BTBD8: variants seen among roughly 807,000 people sequenced by gnomAD.
BTBD8 encodes the protein BTB domain containing 8, also known as BTB/POZ domain-containing protein 8.
In BTBD8, 110 loss-of-function variants were observed where a neutral mutation model predicts 162.9. The ratio of observed to expected loss-of-function variants is 0.68; its 90% confidence interval spans 0.58 to 0.79. BTBD8 has a LOEUF of 0.79. Among genes scored for constraint, BTBD8 ranks in the 30% least tolerant of loss-of-function variants. The pLI is 0.00. For missense variants in BTBD8, 1,905 were observed against 2,085.4 expected (o/e 0.91, Z 1.68); for synonymous variants, 667 against 716.1 (o/e 0.93, Z 1.10).
chr1:92,119,700 C>T (rs1649140983), intron 4 of BTBD8, among the ~76,000 whole-genome samples: 1 of 150,374 alleles, frequency 6.7e-6, no homozygotes, highest in South Asian at 2.1e-4. Flanking sequence ...GATCTCGGCT[C>T]ACTGCAAGCT....
Position 92,177,069 on chromosome 1 carries a change from G to C in BTBD8, c.1876G>C (p.Gly626Arg). 1 of 1,551,328 alleles carries C rather than the reference G, an allele frequency of 6.4e-7. No homozygotes were observed. ...ASKITKELKT[G>R]GKNVSGKPKT... ...TAAGATTACAAAAGAACTAAAAACT[G>C]GGGGAAAAAATGTTTCTGGAAAGCC... Residue 626 changes from glycine to arginine, a missense_variant, in exon 14 of 18, where the codon GGG (glycine) becomes CGG (arginine). By Grantham distance (125) the Gly-to-Arg change is moderately radical. This residue lies in a region of BTBD8 where 1,374 missense variants were observed against 1,442.7 expected (regional missense o/e 0.95). Transcript: ENST00000636805.
intron 5 of BTBD8, among the ~76,000 whole-genome samples, chr1:92,135,350 TA>T (rs1457527273): frequency 6.6e-6 from 1 of 152,232 alleles, no homozygotes; most frequent in Non-Finnish European, 1.5e-5. Context: ...CTCACCCAGA[TA>T]ATTTTTTATT....
intron 5 of BTBD8, among the ~76,000 whole-genome samples, chr1:92,133,628 A>G (rs1459699621): frequency 6.6e-6 from 1 of 152,186 alleles, no homozygotes; most frequent in African/African-American, 2.4e-5. Context: ...TGCACATAGT[A>G]TTTTTCAAGA....
intron 7 of BTBD8, among the ~76,000 whole-genome samples, chr1:92,142,782 G>C (rs924410702): frequency 6.6e-6 from 1 of 152,186 alleles, no homozygotes; most frequent in African/African-American, 2.4e-5. Context: ...GTTGAAGCTT[G>C]ATCTGCCACT....
At chr1:92,166,591 A>G (rs1650393467) in intron 9 of BTBD8, among the ~76,000 whole-genome samples, 1 of 151,266 alleles carries the variant, frequency 6.6e-6, no homozygotes, top group African/African-American at 2.4e-5. Flanking sequence ...TGCCTGACTA[A>G]TTTTTGTATT....
At chr1:92,131,786 T>G (rs1192172630) in intron 5 of BTBD8, among the ~76,000 whole-genome samples, 1 of 152,032 alleles carries the variant, frequency 6.6e-6, no homozygotes, top group Non-Finnish European at 1.5e-5. Context: ...TCTCTTTTTA[T>G]GTGAGGTCAA....
At chr1:92,117,810 T>G (rs200481423) in intron 4 of BTBD8, among the ~76,000 whole-genome samples, 1 of 152,188 alleles carries the variant, frequency 6.6e-6, no homozygotes, top group East Asian at 1.9e-4. Flanking sequence ...GACTAGAAAC[T>G]GCTTCTAGGA....
chr1:92,102,968 C>T (rs1648629916), intron 3 of BTBD8, among the ~76,000 whole-genome samples: 1 of 152,146 alleles, frequency 6.6e-6, no homozygotes, highest in Non-Finnish European at 1.5e-5. Flanking sequence ...TTCTGTTTCA[C>T]ACCCTAACAA....
At chr1:92,153,974 C>A (rs79809913) in intron 9 of BTBD8, among the ~76,000 whole-genome samples, 2 of 152,144 alleles carry the variant, frequency 1.3e-5, no homozygotes, top group African/African-American at 2.4e-5. Context: ...GGGGGCAGAT[C>A]CCTTATGAAT....
At chr1:92,135,883 T>C (rs1490182210) in intron 5 of BTBD8, among the ~76,000 whole-genome samples, 1 of 152,178 alleles carries the variant, frequency 6.6e-6, no homozygotes, top group Non-Finnish European at 1.5e-5. Flanking sequence ...CCAATTCTTA[T>C]TAATGTTGAT....
At chr1:92,159,515 A>G (rs1353971259) in intron 9 of BTBD8, among the ~76,000 whole-genome samples, 1 of 151,982 alleles carries the variant, frequency 6.6e-6, no homozygotes, top group East Asian at 1.9e-4. Flanking sequence ...ATATTTTCTT[A>G]TGCTCTCATG....
rs369005942 is a variant in BTBD8, at chr1:92,096,936, C to T, written c.348-5537C>T. 7.4e-4 allele frequency among the ~76,000 whole-genome samples: 112 copies of T among 152,274 alleles called. 1 individual carries two copies. The highest frequency in any genetic ancestry group is 2.7e-3 in the South Asian group (13 of 4,826). On this transcript the variant is annotated intron_variant, in intron 2 of 17. Coordinates refer to ENST00000636805, the MANE Select transcript of BTBD8 (RefSeq NM_001376131.1). ...GAACCTTCAGCCGTTCCTCTTCATT[C>T]TCACTTTTGATGACCTGCTTTCTAT...
intron 9 of BTBD8, among the ~76,000 whole-genome samples, chr1:92,163,071 A>G (rs939685223): frequency 3.9e-5 from 6 of 152,004 alleles, no homozygotes; most frequent in Admixed American, 3.9e-4. Flanking sequence ...GGCAAGATAC[A>G]GGGCCAGGCG....
intron 4 of BTBD8, among the ~76,000 whole-genome samples, chr1:92,124,644 C>T (rs1649304452): frequency 6.6e-6 from 1 of 152,112 alleles, no homozygotes; most frequent in South Asian, 2.1e-4. Flanking sequence ...AATCTCAGCA[C>T]TTTGAGAGGC....
At chr1:92,102,033 C>A (rs898173943) in intron 2 of BTBD8, among the ~76,000 whole-genome samples, 3 of 151,710 alleles carry the variant, frequency 2.0e-5, no homozygotes, top group Non-Finnish European at 2.9e-5. Context: ...TATTATTATT[C>A]TTTTTTGAGA....
chr1:92,117,818 G>C (rs886989750), intron 4 of BTBD8, among the ~76,000 whole-genome samples: 3 of 151,968 alleles, frequency 2.0e-5, no homozygotes, highest in Non-Finnish European at 2.9e-5. Context: ...ACTGCTTCTA[G>C]GAAGAAAAGC....
At chr1:92,111,006 T>C (rs74548304) in intron 4 of BTBD8, among the ~76,000 whole-genome samples, 8 of 152,020 alleles carry the variant, frequency 5.3e-5, no homozygotes, top group Admixed American at 2.0e-4. Context: ...TTTTTTTTTT[T>C]CCTAAGACAA....
intron 17 of BTBD8, 22 bp downstream of exon 17, chr1:92,182,617 G>A: frequency 7.3e-7 from 1 of 1,367,842 alleles, no homozygotes; most frequent in Non-Finnish European, 9.6e-7. Context: ...AAATAGAAAT[G>A]CTAAATGCAT....
chr1:92,163,490 GA>G (rs1049681297), intron 9 of BTBD8, among the ~76,000 whole-genome samples: 3 of 151,490 alleles, frequency 2.0e-5, no homozygotes, highest in Admixed American at 6.6e-5. Flanking sequence ...AAAGATAAGG[GA>G]AAAAATAATA....
Sources: allele counts gnomAD v4.1 joint callset (sites outside exome capture counted in the v4.1 genomes callset), GRCh38; gene constraint gnomAD v4.1.1; regional missense constraint gnomAD v4.1.1; transcripts MANE v1.5; gene names NCBI Gene and HGNC (gene_info 2026-07-23, HGNC 2026-07-21).